IREB2: variants seen among roughly 807,000 people sequenced by gnomAD.
IREB2 encodes iron-responsive element-binding protein 2.
A neutral mutation model predicts 118.8 loss-of-function variants in IREB2; 39 were observed. That is an observed-to-expected ratio of 0.33 (90% CI 0.25 to 0.43). IREB2 has a LOEUF of 0.43. Among genes scored for constraint, IREB2 ranks in the 20% least tolerant of loss-of-function variants. The pLI is 1.00. For synonymous variants in IREB2, 372 were observed against 392.2 expected, an observed-to-expected ratio of 0.95 and a Z score of 0.61; for missense variants, 900 against 1,147.3, an observed-to-expected ratio of 0.78 and a Z score of 3.11.
chr15:78,459,109 C>CG (rs1335785561), intron 2 of IREB2, among the ~76,000 whole-genome samples: 1 of 151,780 alleles, frequency 6.6e-6, no homozygotes, highest in African/African-American at 2.4e-5. Flanking sequence ...ATATTCTTAA[C>CG]GGGAAAAAAA....
At position 78,491,907 on chromosome 15, in the gene IREB2, ATCT is replaced by A. The variant is rs1438208250; in HGVS notation, c.2324+1149_2324+1151del. On this transcript the variant is annotated intron_variant, in intron 18 of 21. Coordinates refer to ENST00000258886, the MANE Select transcript of IREB2 (RefSeq NM_004136.4). ...AAATATTTTTTTGGTTGTGATTTCC[ATCT>A]TCATCATAATTGTGACATACCTCCA... Among the ~76,000 whole-genome samples the A allele has an allele frequency of 2.6e-5, 4 of 152,260 alleles. No individual in the cohort carries two copies. In the South Asian group the frequency reaches 8.3e-4, roughly 32 times the overall value.
intron 5 of IREB2, among the ~76,000 whole-genome samples, 187 bp downstream of exon 5, chr15:78,466,676 T>G (rs893492877): frequency 6.6e-6 from 1 of 152,212 alleles, no homozygotes; most frequent in East Asian, 1.9e-4. Flanking sequence ...GATCTCTAAG[T>G]ACCATTCTCT....
intron 12 of IREB2, 24 bp downstream of exon 12, chr15:78,484,944 C>T: frequency 6.3e-7 from 1 of 1,593,112 alleles, no homozygotes; most frequent in Admixed American, 1.8e-5. Flanking sequence ...TATGGCCATA[C>T]TTTTTCTTTT....
intron 10 of IREB2, chr15:78,480,146 A>G (rs1235207958): frequency 6.6e-6 from 1 of 152,184 alleles, no homozygotes; most frequent in African/African-American, 2.4e-5. Context: ...CATAGTAGAT[A>G]TTCAGTAAAC....
At chr15:78,438,901 C>T (rs1271576014) in intron 1 of IREB2, 1 of 152,910 alleles carries the variant, frequency 6.5e-6, no homozygotes, top group African/African-American at 2.4e-5. Context: ...GTCTCCTCCC[C>T]CGTCCACCTC....
intron 2 of IREB2, among the ~76,000 whole-genome samples, chr15:78,453,382 A>G (rs1212109363): frequency 6.6e-6 from 1 of 151,900 alleles, no homozygotes; most frequent in Non-Finnish European, 1.5e-5. Context: ...AATATTGATT[A>G]GGGCTAAGGT....
intron 18 of IREB2, among the ~76,000 whole-genome samples, chr15:78,492,632 C>T (rs186302037): frequency 6.6e-4 from 100 of 152,150 alleles, no homozygotes; most frequent in African/African-American, 2.3e-3. Context: ...GGCACTTGGC[C>T]CTCTGCTGCT....
Position 78,493,953 on chromosome 15 carries a change from A to G in IREB2, c.2369A>G (p.Asn790Ser), listed in dbSNP as rs758702362. Reference sequence around the variant, plus strand: ...AACTCTTACGGAGCTCGAAGAGGTAATGATGCTGTAATGACAAGAGGCACT... The same window carrying G: ...AACTCTTACGGAGCTCGAAGAGGTAGTGATGCTGTAATGACAAGAGGCACT... The part of the protein sequence containing the change: ...EFNSYGARRG[N>S]DAVMTRGTFA... The change falls in exon 19 of 22, where the codon AAT becomes AGT. Residue 790 changes from asparagine (N) to serine (S), a missense_variant. Transcript: ENST00000258886. The G allele has an allele frequency of 3.1e-6, 5 of 1,613,960 alleles. No homozygotes were observed. Among genetic ancestry groups the G allele is most frequent in the Non-Finnish European group, 1.7e-6 (2 of 1,179,952 alleles).
intron 1 of IREB2, chr15:78,438,658 C>T (rs1158394683): frequency 8.3e-6 from 4 of 480,384 alleles, no homozygotes; most frequent in Middle Eastern, 1.1e-3. Flanking sequence ...TCCTGGCCCC[C>T]GTCAGCAACA....
Position 78,498,396 on chromosome 15 carries a change from G to T in IREB2, c.*253G>T, listed in dbSNP as rs897137133. 2.9e-5 allele frequency: 7 copies of T among 238,784 alleles called. No individual in the cohort carries two copies. The highest frequency in any genetic ancestry group is 5.5e-5 in the Admixed American group (1 of 18,048). 14.8% of individuals were successfully genotyped at this position (238,784 alleles called of 1,614,324 possible). A position where few individuals can be genotyped will look rare whatever the true frequency, so the allele number is the denominator to read the frequency against. On this transcript the variant is annotated 3_prime_UTR_variant, in exon 22 of 22. Transcript: ENST00000258886. ...TTGTGGAAGAGACCTGTAAGTATGG[G>T]GGGGGGGCGATATTTTATCAGACCA...
At chr15:78,494,610 G>A (rs1248676628) in intron 20 of IREB2, among the ~76,000 whole-genome samples, 2 of 152,024 alleles carry the variant, frequency 1.3e-5, no homozygotes, top group African/African-American at 4.8e-5. Context: ...CCATGTCCTT[G>A]TCACCCAGAC....
At chr15:78,464,151 G>C (rs1266165254) in intron 3 of IREB2, among the ~76,000 whole-genome samples, 1 of 152,166 alleles carries the variant, frequency 6.6e-6, no homozygotes, top group East Asian at 1.9e-4. Flanking sequence ...TATCCTTGCT[G>C]TCACACTTGC....
chr15:78,479,385 G>A (rs1272776551), intron 10 of IREB2, among the ~76,000 whole-genome samples: 1 of 149,348 alleles, frequency 6.7e-6, no homozygotes, highest in Non-Finnish European at 1.5e-5. Flanking sequence ...ATGAAGTCTA[G>A]TTGTGGTTTT....
At chr15:78,439,549 T>TAG (rs1441039508) in intron 1 of IREB2, among the ~76,000 whole-genome samples, 3 of 152,364 alleles carry the variant, frequency 2.0e-5, no homozygotes, top group Admixed American at 2.0e-4. Context: ...TGGTGGATAC[T>TAG]AGCCCTGTGT....
At chr15:78,446,452 A>C (rs751697911) in intron 2 of IREB2, among the ~76,000 whole-genome samples, 23 of 152,200 alleles carry the variant, frequency 1.5e-4, no homozygotes, top group Non-Finnish European at 2.6e-4. Context: ...CCCCAGGCCA[A>C]TGAAATGTGG....
chr15:78,445,435 G>A (rs2050913934), intron 2 of IREB2, among the ~76,000 whole-genome samples: 1 of 152,192 alleles, frequency 6.6e-6, no homozygotes, highest in South Asian at 2.1e-4. Flanking sequence ...CACTGCACCC[G>A]GTCTGGTTCC....
chr15:78,452,033 A>T (rs1363771167), intron 2 of IREB2, among the ~76,000 whole-genome samples: 2 of 152,194 alleles, frequency 1.3e-5, no homozygotes, highest in Non-Finnish European at 2.9e-5. Flanking sequence ...GAGTCCTGCT[A>T]AGGCATCAGC....
At chr15:78,458,294 G>A (rs2051138872) in intron 2 of IREB2, among the ~76,000 whole-genome samples, 1 of 152,110 alleles carries the variant, frequency 6.6e-6, no homozygotes, top group Non-Finnish European at 1.5e-5. Flanking sequence ...TGGGGTTGGG[G>A]TGATTGTGAT....
intron 11 of IREB2, 115 bp downstream of exon 11, chr15:78,483,549 A>T (rs1243786349): frequency 1.6e-6 from 1 of 619,038 alleles, no homozygotes; most frequent in African/African-American, 1.8e-5. Flanking sequence ...ATTATGGCAC[A>T]CACCAGCAGC....
Sources: allele counts gnomAD v4.1 joint callset (sites outside exome capture counted in the v4.1 genomes callset), GRCh38; gene constraint gnomAD v4.1.1; transcripts MANE v1.5; gene names NCBI Gene and HGNC (gene_info 2026-07-23, HGNC 2026-07-21).